SPMIP2: variants seen among roughly 807,000 people sequenced by gnomAD.
SPMIP2 encodes the protein protein SPMIP2.
chr4:158,984,792 C>T, the SPMIP2 span, among the ~76,000 whole-genome samples: 4 of 151,300 alleles, frequency 2.6e-5, no homozygotes, highest in East Asian at 5.8e-4. Flanking sequence ...CAGAGCAGAA[C>T]TGAAGGAAAC....
At chr4:158,962,618 T>C in the SPMIP2 span, among the ~76,000 whole-genome samples, 1 of 152,152 alleles carries the variant, frequency 6.6e-6, no homozygotes, top group African/African-American at 2.4e-5. Context: ...GTTAACCCCT[T>C]AGGTGTCTTT....
the SPMIP2 span, among the ~76,000 whole-genome samples, chr4:159,028,190 A>G: frequency 1.3e-5 from 2 of 152,188 alleles, no homozygotes; most frequent in African/African-American, 4.8e-5. Context: ...AATAGGTTAA[A>G]TTAGATTATC....
chr4:158,904,382 A>ATACT, the SPMIP2 span: 1 of 1,249,082 alleles, frequency 8.0e-7, no homozygotes, highest in East Asian at 2.3e-5. Context: ...CCTAGAAATA[A>ATACT]TACTTTCTCA....
At chr4:159,035,718 T>G in the SPMIP2 span, among the ~76,000 whole-genome samples, 2 of 152,232 alleles carry the variant, frequency 1.3e-5, no homozygotes, top group Admixed American at 6.5e-5. Flanking sequence ...TGCTTTCTCA[T>G]TGTTCTGAGC....
chr4:158,924,272 C>T, the SPMIP2 span, among the ~76,000 whole-genome samples: 5 of 152,186 alleles, frequency 3.3e-5, no homozygotes, highest in Non-Finnish European at 5.9e-5. Context: ...TTGAGAACAT[C>T]CCCTTCTATT....
At chr4:159,041,792 TA>T in the SPMIP2 span, among the ~76,000 whole-genome samples, 9 of 152,256 alleles carry the variant, frequency 5.9e-5, no homozygotes, top group African/African-American at 2.2e-4. Flanking sequence ...GGACACTTAC[TA>T]TGTGCCAGAC....
At chr4:158,923,489 A>C in the SPMIP2 span, among the ~76,000 whole-genome samples, 1 of 152,192 alleles carries the variant, frequency 6.6e-6, no homozygotes, top group Non-Finnish European at 1.5e-5. Flanking sequence ...TTTTGATATT[A>C]TAAATGAAAT....
the SPMIP2 span, among the ~76,000 whole-genome samples, chr4:158,941,520 G>A: frequency 6.6e-6 from 1 of 152,162 alleles, no homozygotes; most frequent in Non-Finnish European, 1.5e-5. Flanking sequence ...TTAGCTGGCT[G>A]TGGTGGTACC....
At chr4:158,926,721 A>G in the SPMIP2 span, among the ~76,000 whole-genome samples, 1 of 152,094 alleles carries the variant, frequency 6.6e-6, no homozygotes, top group African/African-American at 2.4e-5. Context: ...TTTCTTGTTG[A>G]TTTTCTGCCT....
chr4:158,929,218 C>G, the SPMIP2 span, among the ~76,000 whole-genome samples: 1 of 152,188 alleles, frequency 6.6e-6, no homozygotes, highest in Non-Finnish European at 1.5e-5. Context: ...GGGCCTTGCT[C>G]TATTGCCCAG....
chr4:158,966,486 C>T, the SPMIP2 span, among the ~76,000 whole-genome samples: 3 of 152,192 alleles, frequency 2.0e-5, no homozygotes, highest in Admixed American at 6.5e-5. Flanking sequence ...TGACAATATA[C>T]TTAACAGCCT....
At chr4:159,027,840 C>T in the SPMIP2 span, among the ~76,000 whole-genome samples, 2 of 152,130 alleles carry the variant, frequency 1.3e-5, no homozygotes, top group Non-Finnish European at 2.9e-5. Flanking sequence ...TGTGCTTCTC[C>T]GACCACTTAC....
At chr4:159,072,110 T>C in the SPMIP2 span, among the ~76,000 whole-genome samples, 4 of 152,148 alleles carry the variant, frequency 2.6e-5, no homozygotes, top group Admixed American at 6.5e-5. Flanking sequence ...CCCAAGGAGT[T>C]TGAGACCAGC....
the SPMIP2 span, among the ~76,000 whole-genome samples, chr4:159,038,241 T>C: frequency 6.6e-6 from 1 of 152,370 alleles, no homozygotes; most frequent in East Asian, 1.9e-4. Context: ...ATCATGGTTA[T>C]GCCATTTTGT....
At chr4:158,961,414 A>AT in the SPMIP2 span, among the ~76,000 whole-genome samples, 5 of 152,130 alleles carry the variant, frequency 3.3e-5, no homozygotes, top group Non-Finnish European at 5.9e-5. Context: ...TCACACATAA[A>AT]TTGAACAAAG....
chr4:159,037,894 A>G, the SPMIP2 span, among the ~76,000 whole-genome samples: 2 of 152,018 alleles, frequency 1.3e-5, no homozygotes, highest in African/African-American at 4.8e-5. Flanking sequence ...CATACTGAAC[A>G]TACTATCTTT....
the SPMIP2 span, among the ~76,000 whole-genome samples, chr4:159,013,514 T>C: frequency 1.3e-5 from 2 of 152,214 alleles, no homozygotes; most frequent in African/African-American, 4.8e-5. Flanking sequence ...GGAGCCCACC[T>C]TCCTGTCATG....
chr4:158,989,497 T>C, the SPMIP2 span, among the ~76,000 whole-genome samples: 1 of 152,128 alleles, frequency 6.6e-6, no homozygotes, highest in Non-Finnish European at 1.5e-5. Flanking sequence ...AAGGCTACAG[T>C]AACCAAAACA....
chr4:159,000,643 G>A, the SPMIP2 span, among the ~76,000 whole-genome samples: 2 of 151,722 alleles, frequency 1.3e-5, no homozygotes, highest in African/African-American at 2.4e-5. Context: ...ACAGGCACAC[G>A]CCACCACGCC....
Sources: gnomAD v4.1 joint callset for allele counts (sites outside exome capture counted in the v4.1 genomes callset) on GRCh38, gnomAD v4.1.1 for gene constraint, MANE v1.5 for transcripts, NCBI Gene and HGNC (gene_info 2026-07-23, HGNC 2026-07-21) for gene names.